CYB5B: variants seen among roughly 807,000 people sequenced by gnomAD.
CYB5B encodes the protein cytochrome b5 type B (outer mitochondrial membrane).
In CYB5B, 14 loss-of-function variants were observed where a neutral mutation model predicts 21.3. That is an observed-to-expected ratio of 0.66 (90% CI 0.43 to 1.03). The LOEUF is 1.03. Ranked by LOEUF, CYB5B falls within the 50% of genes least tolerant of loss-of-function variation. The probability of loss-of-function intolerance (pLI) is 0.00; values close to 1 mark genes in which losing one functional copy is unlikely to be tolerated. For synonymous variants in CYB5B, 69 were observed against 68.4 expected (o/e 1.01, Z -0.04); for missense variants, 166 against 185.1 (o/e 0.90, Z 0.60).
At chr16:69,439,733 AT>A (rs2014800372) in intron 1 of CYB5B, among the ~76,000 whole-genome samples, 2 of 151,470 alleles carry the variant, frequency 1.3e-5, no homozygotes. Flanking sequence ...CACCCAGCTA[AT>A]TTTTGTATTT....
Position 69,433,354 on chromosome 16 carries a change from A to G in CYB5B, c.174+8497A>G, listed in dbSNP as rs528129223. ...TCTGCCCAGTTTCACTGCCTCCTAA[A>G]GTTAACTCCCATTGTTTGTGTATCC... is the stretch of plus-strand genomic sequence containing the variant. On this transcript the variant is annotated intron_variant, in intron 1 of 4. Coordinates refer to ENST00000307892, the MANE Select transcript of CYB5B (RefSeq NM_030579.3). 3.2e-4 allele frequency among the ~76,000 whole-genome samples: 49 copies of G among 152,182 alleles called. 1 individual carries two copies. The highest frequency in any genetic ancestry group is 1.2e-3 in the African/African-American group (49 of 41,446).
chr16:69,449,520 G>T lies in CYB5B; in HGVS notation c.333+1376G>T, dbSNP rs1032226789. The T allele has an allele frequency of 3.9e-5, 6 of 152,280 alleles. No homozygotes were observed. The South Asian group carries it at 1.0e-3, about 26-fold the overall frequency. 9.4% of individuals were successfully genotyped at this position (152,280 alleles called of 1,614,324 possible). On this transcript the variant is annotated intron_variant, in intron 3 of 4. Transcript: ENST00000307892. Reference sequence around the variant, plus strand: ...TATATTAAAACAATAGAAAAAATATGTTTGCAATTACAATGTCTAGAAGTC... The same window carrying T: ...TATATTAAAACAATAGAAAAAATATTTTTGCAATTACAATGTCTAGAAGTC...
chr16:69,453,386 A>G (rs1022751430), intron 3 of CYB5B, among the ~76,000 whole-genome samples: 5 of 152,234 alleles, frequency 3.3e-5, no homozygotes, highest in Non-Finnish European at 1.5e-5. Flanking sequence ...AGTTGATTAC[A>G]TCAAATTAAA....
chr16:69,438,662 C>G (rs2014787436), intron 1 of CYB5B, among the ~76,000 whole-genome samples: 1 of 151,658 alleles, frequency 6.6e-6, no homozygotes, highest in African/African-American at 2.4e-5. Flanking sequence ...TCCTGAATGA[C>G]TACTGATATT....
intron 3 of CYB5B, chr16:69,450,264 A>G (rs1159121175): frequency 1.3e-5 from 2 of 151,104 alleles, no homozygotes; most frequent in Non-Finnish European, 3.0e-5. Context: ...TGAGCCTTAG[A>G]TTTTTTTGTA....
intron 1 of CYB5B, among the ~76,000 whole-genome samples, chr16:69,434,822 C>T (rs1423772253): frequency 7.0e-6 from 1 of 143,180 alleles, no homozygotes; most frequent in Non-Finnish European, 1.5e-5. Context: ...GAGATCGCGC[C>T]ACTGCACTCC....
chr16:69,446,018 C>T (rs375094286), intron 1 of CYB5B, among the ~76,000 whole-genome samples: 4 of 152,218 alleles, frequency 2.6e-5, no homozygotes, highest in African/African-American at 9.6e-5. Context: ...CCCTATCTCC[C>T]AGCCACTAGG....
At chr16:69,452,683 T>C (rs1490833262) in intron 3 of CYB5B, among the ~76,000 whole-genome samples, 1 of 151,204 alleles carries the variant, frequency 6.6e-6, no homozygotes, top group Non-Finnish European at 1.5e-5. Context: ...AAAAATTTTT[T>C]TTTTATTCAT....
At chr16:69,462,355 A>G (rs8058206) in intron 4 of CYB5B, 75 bp from the exon 5 acceptor site, 4 of 1,214,152 alleles carry the variant, frequency 3.3e-6, no homozygotes, top group Middle Eastern at 3.8e-4. Flanking sequence ...ATATAAAAAC[A>G]TGTGAAAGCT....
At chr16:69,462,259 T>C (rs779929646) in intron 4 of CYB5B, among the ~76,000 whole-genome samples, 171 bp from the exon 5 acceptor site, 33 of 152,218 alleles carry the variant, frequency 2.2e-4, no homozygotes, top group Non-Finnish European at 3.4e-4. Flanking sequence ...CTTTGTAATA[T>C]TGTCACTCCA....
intron 3 of CYB5B, among the ~76,000 whole-genome samples, chr16:69,457,122 T>C (rs1228989507): frequency 1.3e-5 from 2 of 152,198 alleles, no homozygotes; most frequent in Admixed American, 1.3e-4. Flanking sequence ...GAACACCATA[T>C]GTTTTAAGTT....
chr16:69,435,213 T>A (rs2014748285), intron 1 of CYB5B, among the ~76,000 whole-genome samples: 1 of 152,168 alleles, frequency 6.6e-6, no homozygotes, highest in African/African-American at 2.4e-5. Context: ...CTTCACAGGG[T>A]AGTTGTGGTT....
intron 2 of CYB5B, 42 bp downstream of exon 2, chr16:69,447,320 T>C: frequency 6.2e-7 from 1 of 1,600,342 alleles, no homozygotes; most frequent in Non-Finnish European, 8.5e-7. Flanking sequence ...CAGAGAAAAC[T>C]ACTTAACAGC....
At position 69,428,599 on chromosome 16, in the gene CYB5B, C is replaced by T. The variant is rs373103339; in HGVS notation, c.174+3742C>T. On this transcript the variant is annotated intron_variant, in intron 1 of 4. Coordinates refer to ENST00000307892, the MANE Select transcript of CYB5B (RefSeq NM_030579.3). The stretch of plus-strand genomic sequence containing the variant: ...TGAACCCAGAAGTTGGAGGTTGCAG[C>T]GATCCAAGATTGTGGCACTGAACTC... Among the ~76,000 whole-genome samples the T allele has an allele frequency of 1.1e-4, 17 of 151,552 alleles. No homozygotes were observed. In the East Asian group the frequency reaches 1.4e-3, roughly 12 times the overall value.
chr16:69,453,202 A>C (rs931282117), intron 3 of CYB5B, among the ~76,000 whole-genome samples: 1 of 152,142 alleles, frequency 6.6e-6, no homozygotes, highest in Non-Finnish European at 1.5e-5. Flanking sequence ...TAAATTTTAC[A>C]TGTTAGAAGC....
At chr16:69,441,043 C>T (rs544617017) in intron 1 of CYB5B, among the ~76,000 whole-genome samples, 4 of 151,832 alleles carry the variant, frequency 2.6e-5, no homozygotes, top group Non-Finnish European at 2.9e-5. Context: ...ATCCTTTGTA[C>T]TCTTCTCTCA....
intron 1 of CYB5B, among the ~76,000 whole-genome samples, chr16:69,430,781 C>G (rs1440220509): frequency 1.4e-5 from 2 of 146,254 alleles, no homozygotes; most frequent in African/African-American, 5.1e-5. Context: ...TCAAGTGATT[C>G]TCCTGCTTCA....
intron 4 of CYB5B, among the ~76,000 whole-genome samples, chr16:69,461,221 G>T (rs1270233782): frequency 6.6e-6 from 1 of 151,064 alleles, no homozygotes; most frequent in East Asian, 1.9e-4. Flanking sequence ...AAAAAAGAAA[G>T]AAAGAAAGAA....
chr16:69,451,687 C>T (rs773089071), intron 3 of CYB5B, among the ~76,000 whole-genome samples: 3 of 152,070 alleles, frequency 2.0e-5, no homozygotes, highest in Admixed American at 1.3e-4. Context: ...GGCGGTGACT[C>T]ACGCCTGTAA....
Sources: allele counts gnomAD v4.1 joint callset (sites outside exome capture counted in the v4.1 genomes callset), GRCh38; gene constraint gnomAD v4.1.1; transcripts MANE v1.5; gene names NCBI Gene and HGNC (gene_info 2026-07-23, HGNC 2026-07-21).